The following PRKN variants were observed in gnomAD, a reference collection of about 807,000 sequenced individuals.
The protein encoded by PRKN is E3 ubiquitin-protein ligase parkin.
In PRKN, 56 loss-of-function variants were observed where a neutral mutation model predicts 59.5. The observed-to-expected ratio is 0.94, with a 90% CI of 0.76 to 1.18. The LOEUF is 1.18. PRKN is among the 50% of genes most tolerant of loss of function. PRKN has a pLI of 0.00. For missense variants in PRKN, 657 were observed against 596.4 expected (o/e 1.10, Z -1.06); for synonymous variants, 250 against 222.1 (o/e 1.13, Z -1.12).
chr6:161,715,842 C>T (rs1450562125), intron 7 of PRKN, among the ~76,000 whole-genome samples: 1 of 152,200 alleles, frequency 6.6e-6, no homozygotes, highest in Non-Finnish European at 1.5e-5. Context: ...CTACCATCCA[C>T]TAGGACCCTC....
At chr6:161,621,125 G>A (rs1782882654) in intron 7 of PRKN, among the ~76,000 whole-genome samples, 1 of 152,134 alleles carries the variant, frequency 6.6e-6, no homozygotes, top group Non-Finnish European at 1.5e-5. Context: ...AGGGGCCAGG[G>A]TTTTGCTGTC....
intron 2 of PRKN, among the ~76,000 whole-genome samples, chr6:162,291,921 A>G (rs77424716): frequency 0.042 from 6,324 of 151,696 alleles, 189 homozygotes; most frequent in African/African-American, 0.083. Context: ...TTCCAGATAC[A>G]ATTCATAGTA....
intron 2 of PRKN, among the ~76,000 whole-genome samples, chr6:162,377,064 G>A (rs1288832711): frequency 1.3e-5 from 2 of 152,140 alleles, no homozygotes; most frequent in African/African-American, 4.8e-5. Flanking sequence ...AATCATGAAC[G>A]AGGACGTTCT....
At chr6:161,472,279 T>C (rs1383164081) in intron 9 of PRKN, among the ~76,000 whole-genome samples, 1 of 152,164 alleles carries the variant, frequency 6.6e-6, no homozygotes, top group Non-Finnish European at 1.5e-5. Flanking sequence ...AGAGCAAGTC[T>C]TACTTGCAGA....
chr6:161,349,430 G>T lies in PRKN; in HGVS notation c.*669C>A, dbSNP rs1412373099. On this transcript the variant is annotated 3_prime_UTR_variant, in exon 12 of 12. Coordinates refer to ENST00000366898, the MANE Select transcript of PRKN (RefSeq NM_004562.3). This position sits in a 1 kb window ranked among gnomAD's most constrained non-coding sequence, Gnocchi z 5.5. ...ATTAACTTTCATAATTTCTCACTTT[G>T]TGACAAGTTGATTTACGCATAGTTG... 1.3e-5 allele frequency: 3 copies of T among 231,814 alleles called. No homozygotes were observed. The highest frequency in any genetic ancestry group is 5.6e-5 in the Admixed American group (1 of 17,742). The allele number at this position is 231,814 out of a possible 1,614,324, so 14.4% of individuals were successfully genotyped here. A position where few individuals can be genotyped will look rare whatever the true frequency, so the allele number is the denominator to read the frequency against.
rs552499914 is a variant in PRKN at position 162,271,252 on chromosome 6, G to A, written c.172-8487C>T. Among the ~76,000 whole-genome samples the A allele has an allele frequency of 1.2e-3, 190 of 152,164 alleles. 1 individual carries two copies. Among genetic ancestry groups the A allele is most frequent in the African/African-American group, 4.2e-3 (174 of 41,538 alleles). ...AGACAAAACGGCAATGATTTAATAA[G>A]TTAGGCCGAATGCAGTGGCTCACGT... On this transcript the variant is annotated intron_variant, in intron 2 of 11. Transcript: ENST00000366898.
chr6:161,905,425 T>G (rs1778104339), intron 6 of PRKN, among the ~76,000 whole-genome samples: 1 of 152,216 alleles, frequency 6.6e-6, no homozygotes, highest in South Asian at 2.1e-4. Context: ...AGGTTTCTGG[T>G]GTAGACTTTT....
intron 4 of PRKN, among the ~76,000 whole-genome samples, chr6:162,147,743 C>T (rs539791858): frequency 7.2e-5 from 11 of 151,826 alleles, no homozygotes; most frequent in Non-Finnish European, 1.5e-4. Flanking sequence ...CTCTTAAAAA[C>T]GATATTAGCA....
At chr6:162,176,848 G>T (rs541364679) in intron 4 of PRKN, among the ~76,000 whole-genome samples, 1 of 151,442 alleles carries the variant, frequency 6.6e-6, no homozygotes, top group African/African-American at 2.4e-5. Context: ...AGAGAGAAAT[G>T]CTCAATAAAC....
At chr6:161,951,686 C>T (rs566726423) in intron 6 of PRKN, among the ~76,000 whole-genome samples, 1 of 152,186 alleles carries the variant, frequency 6.6e-6, no homozygotes, top group South Asian at 2.1e-4. Context: ...GAGGCCGAGG[C>T]GGGCAGATCA....
At chr6:162,154,367 G>T (rs541464355) in intron 4 of PRKN, among the ~76,000 whole-genome samples, 1 of 152,228 alleles carries the variant, frequency 6.6e-6, no homozygotes, top group East Asian at 1.9e-4. Context: ...TTGGTTTCAT[G>T]TTATAAGGAA....
intron 2 of PRKN, among the ~76,000 whole-genome samples, chr6:162,362,419 T>C (rs916613371): frequency 1.3e-5 from 2 of 152,232 alleles, no homozygotes. Flanking sequence ...GTAATAGTAA[T>C]GCACTGAGAT....
At chr6:162,675,107 C>A (rs1254078992) in intron 1 of PRKN, among the ~76,000 whole-genome samples, 1 of 147,962 alleles carries the variant, frequency 6.8e-6, no homozygotes, top group African/African-American at 2.5e-5. Flanking sequence ...AGTGCAGTGG[C>A]GCGATCTTGG....
chr6:162,035,942 GA>G (rs1783820272), intron 5 of PRKN, among the ~76,000 whole-genome samples: 1 of 152,172 alleles, frequency 6.6e-6, no homozygotes, highest in Admixed American at 6.5e-5. Flanking sequence ...TTTAAAAAGT[GA>G]AACTGTAACT....
intron 7 of PRKN, among the ~76,000 whole-genome samples, chr6:161,655,853 T>C (rs4134103): frequency 0.44 from 66,602 of 151,000 alleles, 15,386 homozygotes; most frequent in African/African-American, 0.58. Context: ...CACACAGGCA[T>C]ATCAACACAC....
At chr6:162,553,030 G>C (rs1041962149) in intron 1 of PRKN, among the ~76,000 whole-genome samples, 1 of 152,146 alleles carries the variant, frequency 6.6e-6, no homozygotes, top group Non-Finnish European at 1.5e-5. Context: ...TGTTGGTGAT[G>C]CTGTCTCAGG....
At chr6:161,755,154 T>C (rs1294606797) in intron 7 of PRKN, among the ~76,000 whole-genome samples, 1 of 152,220 alleles carries the variant, frequency 6.6e-6, no homozygotes, top group Non-Finnish European at 1.5e-5. Flanking sequence ...GACAGTTTTC[T>C]CAGGGGCTGA....
rs62435887 is a variant in PRKN at position 161,388,765 on chromosome 6, C to T, written c.1084-1888G>A. 0.087 allele frequency among the ~76,000 whole-genome samples: 13,209 copies of T among 152,228 alleles called. 637 individuals are homozygous for T. Among genetic ancestry groups the T allele is most frequent in the African/African-American group, 0.12 (4,785 of 41,522 alleles). ...CCATATGGTAAGGAAGCTCAACAGC[C>T]CATGGGAGCCCCACATGGAGAAGAG... On this transcript the variant is annotated intron_variant, in intron 9 of 11. Transcript: ENST00000366898. This position sits in a 1 kb window ranked among gnomAD's most constrained non-coding sequence, Gnocchi z 4.3.
At chr6:162,375,653 T>C (rs888882017) in intron 2 of PRKN, among the ~76,000 whole-genome samples, 1 of 151,778 alleles carries the variant, frequency 6.6e-6, no homozygotes, top group African/African-American at 2.4e-5. Context: ...GAATTTTGGA[T>C]AGGGATACTA....
Sources: allele counts gnomAD v4.1 joint callset (sites outside exome capture counted in the v4.1 genomes callset), GRCh38; gene constraint gnomAD v4.1.1; non-coding constraint Gnocchi (gnomAD v3.1); transcripts MANE v1.5; gene names NCBI Gene and HGNC (gene_info 2026-07-23, HGNC 2026-07-21).